CNTN1: variants seen among roughly 807,000 people sequenced by gnomAD.
CNTN1 encodes the protein contactin-1.
A neutral mutation model predicts 126.4 loss-of-function variants in CNTN1; 38 were observed. The observed-to-expected ratio is 0.30, with a 90% CI of 0.23 to 0.39. The LOEUF is 0.39. Ranked by LOEUF, CNTN1 falls within the 10% of genes least tolerant of loss-of-function variation. The probability of loss-of-function intolerance (pLI) is 1.00; values close to 1 mark genes in which losing one functional copy is unlikely to be tolerated. For synonymous variants in CNTN1, 413 were observed against 422.6 expected (o/e 0.98, Z 0.28); for missense variants, 1,009 against 1,248.4 (o/e 0.81, Z 2.89).
At chr12:40,706,796 C>T (rs1247907424) in intron 1 of CNTN1, among the ~76,000 whole-genome samples, 1 of 152,144 alleles carries the variant, frequency 6.6e-6, no homozygotes, top group Non-Finnish European at 1.5e-5. Context: ...TTATAAGGCA[C>T]TGGCTGTTCT....
At chr12:40,777,480 G>C (rs892170577) in intron 1 of CNTN1, among the ~76,000 whole-genome samples, 2 of 151,672 alleles carry the variant, frequency 1.3e-5, no homozygotes, top group Non-Finnish European at 2.9e-5. Context: ...TAATGTAAAA[G>C]AACAAGTCTT....
At position 40,933,532 on chromosome 12, in the gene CNTN1, G is replaced by A. The variant is rs1945970944; in HGVS notation, c.775G>A (p.Val259Met). The A allele has an allele frequency of 1.2e-6, 2 of 1,611,222 alleles. No homozygotes were observed. The highest frequency in any genetic ancestry group is 1.7e-5 in the Admixed American group (1 of 59,882). ...TGTATATGCATTGATGGGCCAAAAT[G>A]TGACCTTAGAATGTTTTGCACTTGG... The part of the protein sequence containing the change: ...KDVYALMGQN[V>M]TLECFALGNP... The change falls in exon 8 of 24, where the codon GTG becomes ATG. Residue 259 changes from valine to methionine, a missense_variant. Transcript: ENST00000551295.
At chr12:40,899,320 A>G (rs1242056830) in intron 1 of CNTN1, among the ~76,000 whole-genome samples, 2 of 152,236 alleles carry the variant, frequency 1.3e-5, no homozygotes, top group East Asian at 3.8e-4. Context: ...CAACAATGGT[A>G]GTTAAAACAC....
At chr12:40,906,560 T>C (rs1311596087) in intron 1 of CNTN1, among the ~76,000 whole-genome samples, 2 of 152,152 alleles carry the variant, frequency 1.3e-5, no homozygotes. Context: ...CATAATAGTA[T>C]GGTGCAAGCA....
intron 1 of CNTN1, among the ~76,000 whole-genome samples, chr12:40,813,064 T>TTTCTTTCTTTCTTTCG (rs1941139202): frequency 7.5e-6 from 1 of 133,018 alleles, no homozygotes; most frequent in Admixed American, 7.7e-5. Flanking sequence ...TCTTTCTTCC[T>TTTCTTTCTTTCTTTCG]TCCTTCCTTC....
In CNTN1 at chr12:40,933,511, T is replaced by C. The variant is rs781242588; in HGVS notation, c.754T>C (p.Tyr252His). ...ADIVVQFKDV[Y>H]ALMGQNVTLE... Reference sequence around the variant, plus strand: ...TATTGTAGTTCAGTTCAAGGATGTATATGCATTGATGGGCCAAAATGTGAC... The same window carrying C: ...TATTGTAGTTCAGTTCAAGGATGTACATGCATTGATGGGCCAAAATGTGAC... Residue 252 changes from tyrosine (Y) to histidine (H), a missense_variant, in exon 8 of 24, where the codon TAT (tyrosine) becomes CAT (histidine). Transcript: ENST00000551295. 1 of 1,612,170 alleles carries C rather than the reference T, an allele frequency of 6.2e-7. No individual in the cohort carries two copies. The highest frequency in any genetic ancestry group is 8.5e-7 in the Non-Finnish European group (1 of 1,178,572).
At chr12:40,938,048 G>A (rs1013844846) in intron 11 of CNTN1, among the ~76,000 whole-genome samples, 2 of 152,162 alleles carry the variant, frequency 1.3e-5, no homozygotes, top group Non-Finnish European at 1.5e-5. Context: ...ACCAGAGGAT[G>A]AAGAGTCAAA....
At position 40,924,621 on chromosome 12, in the gene CNTN1, G is replaced by T. The variant is rs745976709; in HGVS notation, c.465G>T (p.Val155=). The part of the protein sequence containing the change: ...EVRVKEGKGM[V]LLCDPPYHFP... ...GAGTAAAAGAAGGGAAAGGAATGGT[G>T]CTTCTCTGTGACCCCCCATACCATT... The change falls in exon 6 of 24, where the codon GTG becomes GTT. Residue 155 remains valine, a synonymous_variant. Transcript: ENST00000551295. The T allele has an allele frequency of 2.2e-5, 35 of 1,604,734 alleles. No homozygotes were observed. The highest frequency in any genetic ancestry group is 3.0e-5 in the Non-Finnish European group (35 of 1,172,146).
In CNTN1 at chr12:41,070,241, A is replaced by G; in HGVS notation, c.*206A>G. On this transcript the variant is annotated 3_prime_UTR_variant, in exon 24 of 24. Coordinates refer to ENST00000551295, the MANE Select transcript of CNTN1 (RefSeq NM_001843.4). ...CAAAAGAATAAACTTTTAAATGGAT[A>G]TAAATGATTTTTAACTCGTTCCAAT... 1 of 600,182 alleles carries G rather than the reference A, an allele frequency of 1.7e-6. No individual in the cohort carries two copies. The allele number at this position is 600,182 out of a possible 1,614,324, so 37.2% of individuals were successfully genotyped here.
At chr12:40,718,468 C>T (rs906390178) in intron 1 of CNTN1, among the ~76,000 whole-genome samples, 4 of 152,150 alleles carry the variant, frequency 2.6e-5, no homozygotes, top group Admixed American at 2.0e-4. Flanking sequence ...CGTGAGCCAT[C>T]ATTCCCAGTG....
chr12:40,721,300 C>T (rs1471097370), intron 1 of CNTN1, among the ~76,000 whole-genome samples: 1 of 152,018 alleles, frequency 6.6e-6, no homozygotes, highest in Non-Finnish European at 1.5e-5. Flanking sequence ...GGCAAAGTAG[C>T]TACATGGATG....
chr12:40,977,770 TG>T (rs372387386), intron 15 of CNTN1, among the ~76,000 whole-genome samples: 100,011 of 134,844 alleles, frequency 0.74, 33,399 homozygotes, highest in Admixed American at 0.76. Context: ...TCATCTGTTT[TG>T]TTTTGTTTTG....
chr12:41,043,714 G>A (rs892275264), intron 23 of CNTN1, among the ~76,000 whole-genome samples: 1 of 151,928 alleles, frequency 6.6e-6, no homozygotes, highest in Non-Finnish European at 1.5e-5. Context: ...GTTTATAGAG[G>A]CACTATTCCC....
At chr12:41,032,780 A>G (rs1403873265) in intron 23 of CNTN1, among the ~76,000 whole-genome samples, 6 of 152,130 alleles carry the variant, frequency 3.9e-5, no homozygotes, top group Non-Finnish European at 1.5e-5. Context: ...TTATTTATTA[A>G]TTTGTATTTG....
At chr12:40,978,692 T>A (rs945733049) in intron 15 of CNTN1, 1 of 152,194 alleles carries the variant, frequency 6.6e-6, no homozygotes, top group African/African-American at 2.4e-5. Flanking sequence ...TCTCAACAAA[T>A]ACACTAATAA....
intron 16 of CNTN1, among the ~76,000 whole-genome samples, chr12:40,981,966 CA>C (rs1222324456): frequency 2.0e-5 from 3 of 151,590 alleles, no homozygotes; most frequent in African/African-American, 7.3e-5. Context: ...TCTAATCTCC[CA>C]AATCTGCTTT....
intron 15 of CNTN1, among the ~76,000 whole-genome samples, chr12:40,971,143 C>T (rs530038023): frequency 4.6e-5 from 7 of 152,192 alleles, no homozygotes; most frequent in Middle Eastern, 3.4e-3. Flanking sequence ...AAAGGATCCA[C>T]GAGATTTGTT....
chr12:40,925,527 A>T (rs79648453), intron 6 of CNTN1, among the ~76,000 whole-genome samples: 12,770 of 118,388 alleles, frequency 0.11, 686 homozygotes, highest in African/African-American at 0.19. Context: ...TTCCACATGA[A>T]ATTGTGTGTG....
chr12:40,751,015 C>CA (rs1388770424), intron 1 of CNTN1, among the ~76,000 whole-genome samples: 1 of 151,940 alleles, frequency 6.6e-6, no homozygotes, highest in African/African-American at 2.4e-5. Context: ...GGAGCCAGCA[C>CA]AGGAGGAAGA....
Sources: allele counts gnomAD v4.1 joint callset (sites outside exome capture counted in the v4.1 genomes callset), GRCh38; gene constraint gnomAD v4.1.1; transcripts MANE v1.5; gene names NCBI Gene and HGNC (gene_info 2026-07-23, HGNC 2026-07-21).